ELP3: variants seen among roughly 807,000 people sequenced by gnomAD.
The protein encoded by ELP3 is elongator acetyltransferase complex subunit 3.
Under a neutral mutation model 74.9 loss-of-function variants are expected in ELP3, and 56 were observed. That is an observed-to-expected ratio of 0.75 (90% CI 0.60 to 0.93). The LOEUF (loss-of-function observed/expected upper bound fraction) is 0.93, where lower values mean the gene tolerates loss of function less well. ELP3 is among the 40% of genes least tolerant of loss of function. ELP3 has a pLI of 0.00. For synonymous variants in ELP3, 222 were observed against 239.8 expected, an observed-to-expected ratio of 0.93 and a Z score of 0.68; for missense variants, 573 against 686.5, an observed-to-expected ratio of 0.83 and a Z score of 1.85.
At chr8:28,099,161 G>A (rs919711516) in intron 2 of ELP3, among the ~76,000 whole-genome samples, 3 of 152,228 alleles carry the variant, frequency 2.0e-5, no homozygotes, top group Non-Finnish European at 2.9e-5. Context: ...AAGACAGGGT[G>A]ACTGTTAAGA....
In ELP3 at chr8:28,093,147, G is replaced by A; in HGVS notation, c.-68G>A. 6.3e-7 allele frequency: 1 copy of A among 1,595,174 alleles called. No individual in the cohort carries two copies. The highest frequency in any genetic ancestry group is 8.5e-7 in the Non-Finnish European group (1 of 1,172,430). On this transcript the variant is annotated 5_prime_UTR_variant, in exon 1 of 15. Coordinates refer to ENST00000256398, the MANE Select transcript of ELP3 (RefSeq NM_018091.6). ...AGGCGGGATTGTTTTGTGGCTGTCA[G>A]CTTTCCCCGTGGTCTGAGTTTGTGG...
chr8:28,165,277 C>T (rs1662067667), intron 14 of ELP3, among the ~76,000 whole-genome samples: 1 of 152,084 alleles, frequency 6.6e-6, no homozygotes. Context: ...GTAGGTGGGA[C>T]CTTTTCTGTG....
chr8:28,183,404 G>T (rs946002927), intron 14 of ELP3: 2 of 361,792 alleles, frequency 5.5e-6, no homozygotes, highest in Non-Finnish European at 1.1e-5. Flanking sequence ...ATAAAACAAA[G>T]CCAGTGTTTG....
At chr8:28,091,849 G>C (rs1176161906), upstream of ELP3, among the ~76,000 whole-genome samples, 4 of 152,176 alleles carry the variant, frequency 2.6e-5, no homozygotes, top group Non-Finnish European at 5.9e-5. Flanking sequence ...GGGTTTTGAG[G>C]ACTTCAATAT....
chr8:28,128,816 G>C (rs1392192296), intron 7 of ELP3, among the ~76,000 whole-genome samples: 1 of 152,184 alleles, frequency 6.6e-6, no homozygotes, highest in East Asian at 1.9e-4. Flanking sequence ...CTGCTAGCAA[G>C]AGACTTACTT....
chr8:28,183,419 C>T (rs1400664639), intron 14 of ELP3, among the ~76,000 whole-genome samples: 2 of 152,108 alleles, frequency 1.3e-5, no homozygotes, highest in African/African-American at 2.4e-5. Flanking sequence ...TGTTTGGACT[C>T]CCCCAACTCC....
chr8:28,102,021 C>G (rs1411190030), intron 3 of ELP3, among the ~76,000 whole-genome samples: 1 of 152,198 alleles, frequency 6.6e-6, no homozygotes, highest in Non-Finnish European at 1.5e-5. Flanking sequence ...TGTCTCTGAT[C>G]ATTTCTGTCC....
rs1385090123 is a variant in ELP3 at position 28,158,622 on chromosome 8, C to T, written c.1246C>T (p.Arg416Trp). 1.8e-5 allele frequency: 28 copies of T among 1,534,526 alleles called. No homozygotes were observed. Among genetic ancestry groups the T allele is most frequent in the East Asian group, 1.3e-4 (5 of 38,910 alleles). Residue 416 changes from arginine (R) to tryptophan (W), a missense_variant, in exon 12 of 15, where the codon CGG (arginine) becomes TGG (tryptophan). Transcript: ENST00000256398. ...VGIQEIHHKV[R>W]PYQVELVRRD... ...AATCCAAGAAATTCATCACAAAGTA[C>T]GGCCATACCAGGTTAGTCTCTTCAT...
chr8:28,176,751 G>T (rs1316468638), intron 14 of ELP3, among the ~76,000 whole-genome samples: 4 of 152,094 alleles, frequency 2.6e-5, no homozygotes, highest in Non-Finnish European at 4.4e-5. Flanking sequence ...TTCCTACCAG[G>T]TTATAAGATG....
In ELP3 at chr8:28,144,810, G is replaced by A. The variant is rs923945127; in HGVS notation, c.1100+6919G>A. The stretch of plus-strand genomic sequence containing the variant: ...TCCCAGCAGTTTGGAAGGCCAAGGC[G>A]GGCAGATCACCTGAGGTCAGGAGTT... On this transcript the variant is annotated intron_variant, in intron 10 of 14. Coordinates refer to ENST00000256398, the MANE Select transcript of ELP3 (RefSeq NM_018091.6). Among the ~76,000 whole-genome samples the A allele has an allele frequency of 7.9e-5, 12 of 152,148 alleles. No homozygotes were observed. The East Asian group carries it at 1.4e-3, about 17-fold the overall frequency.
chr8:28,118,073 T>C (rs986729085), intron 7 of ELP3, among the ~76,000 whole-genome samples: 1 of 152,238 alleles, frequency 6.6e-6, no homozygotes, highest in Non-Finnish European at 1.5e-5. Context: ...TGTAAGGTGA[T>C]GAACTTCATG....
chr8:28,090,706 G>A (rs1193010438), upstream of ELP3, among the ~76,000 whole-genome samples: 1 of 151,926 alleles, frequency 6.6e-6, no homozygotes, highest in Non-Finnish European at 1.5e-5. Context: ...TGTGGGGTCA[G>A]GGGGCAACAC....
In ELP3 at chr8:28,164,169, T is replaced by G. The variant is rs76545944; in HGVS notation, c.1567+2091T>G. ...TGACATCTGTGTCTTTTTACACTGT[T>G]GCATGCAGAGAGGACCCCTGGCTTG... On this transcript the variant is annotated intron_variant, in intron 14 of 14. Coordinates refer to ENST00000256398, the MANE Select transcript of ELP3 (RefSeq NM_018091.6). 1.9e-3 allele frequency among the ~76,000 whole-genome samples: 292 copies of G among 152,278 alleles called. 1 individual carries two copies. The highest frequency in any genetic ancestry group is 6.3e-3 in the African/African-American group (261 of 41,552).
intron 14 of ELP3, among the ~76,000 whole-genome samples, chr8:28,163,277 A>G (rs946131296): frequency 6.6e-6 from 1 of 152,202 alleles, no homozygotes; most frequent in Non-Finnish European, 1.5e-5. Flanking sequence ...TTCATCCAGC[A>G]TGTTTGTTTT....
chr8:28,116,537 T>G (rs914747113), intron 7 of ELP3, among the ~76,000 whole-genome samples: 3 of 152,178 alleles, frequency 2.0e-5, no homozygotes, highest in Non-Finnish European at 4.4e-5. Flanking sequence ...GCCAGGAGTT[T>G]GAGACCAGCC....
At chr8:28,135,373 A>T (rs1251104140) in intron 9 of ELP3, among the ~76,000 whole-genome samples, 4 of 152,198 alleles carry the variant, frequency 2.6e-5, no homozygotes, top group Non-Finnish European at 4.4e-5. Flanking sequence ...AAATGTCAGT[A>T]TCGTGAACTC....
chr8:28,164,755 C>T (rs184069358), intron 14 of ELP3, among the ~76,000 whole-genome samples: 6 of 152,142 alleles, frequency 3.9e-5, no homozygotes, highest in South Asian at 4.2e-4. Context: ...AATCAGATGC[C>T]GGAGAAGTTA....
chr8:28,091,064 G>A (rs989220553), upstream of ELP3, among the ~76,000 whole-genome samples: 12 of 151,798 alleles, frequency 7.9e-5, no homozygotes, highest in African/African-American at 2.9e-4. Flanking sequence ...CCACCACCAC[G>A]CCCGGCTAAT....
At chr8:28,138,443 T>TTACA (rs78810523) in intron 10 of ELP3, among the ~76,000 whole-genome samples, 10 of 152,210 alleles carry the variant, frequency 6.6e-5, no homozygotes, top group Non-Finnish European at 1.0e-4. Flanking sequence ...CTATTTATAC[T>TTACA]TACATACATA....
Sources: gnomAD v4.1 joint callset for allele counts (sites outside exome capture counted in the v4.1 genomes callset) on GRCh38, gnomAD v4.1.1 for gene constraint, MANE v1.5 for transcripts, NCBI Gene and HGNC (gene_info 2026-07-23, HGNC 2026-07-21) for gene names.